LRRC7: variants seen among roughly 807,000 people sequenced by gnomAD.
The protein encoded by LRRC7 is leucine rich repeat containing 7.
A neutral mutation model predicts 175.7 loss-of-function variants in LRRC7; 23 were observed. The ratio of observed to expected loss-of-function variants is 0.13; its 90% CI spans 0.09 to 0.19. The LOEUF is 0.19. Among genes scored for constraint, LRRC7 ranks in the 10% least tolerant of loss-of-function variants. The pLI is 1.00. For missense variants in LRRC7, 1,354 were observed against 1,904.7 expected (o/e 0.71, Z 5.38); for synonymous variants, 685 against 680.9 (o/e 1.01, Z -0.09).
intron 7 of LRRC7, among the ~76,000 whole-genome samples, chr1:69,848,647 G>GTCTCCTC (rs1682633929): frequency 6.6e-6 from 1 of 151,800 alleles, no homozygotes; most frequent in African/African-American, 2.4e-5. Context: ...CTTTCTTCAG[G>GTCTCCTC]TCTCCTCTCT....
intron 2 of LRRC7, among the ~76,000 whole-genome samples, chr1:69,696,977 A>G (rs557437086): frequency 1.3e-5 from 2 of 152,288 alleles, no homozygotes; most frequent in South Asian, 2.1e-4. Context: ...AACACATCTG[A>G]TAATAGCTGA....
At chr1:70,086,118 TTTATTTATTTATTTAC>T (rs1297116309) in intron 24 of LRRC7, among the ~76,000 whole-genome samples, 1 of 151,918 alleles carries the variant, frequency 6.6e-6, no homozygotes, top group Non-Finnish European at 1.5e-5. Flanking sequence ...TTCTTATTTA[TTTATTTATTTATTTAC>T]TTATTTATTT....
intron 4 of LRRC7, among the ~76,000 whole-genome samples, chr1:69,795,919 T>TTTG (rs1417959484): frequency 4.0e-5 from 6 of 151,736 alleles, no homozygotes; most frequent in Admixed American, 2.6e-4. Flanking sequence ...TGGGTTTTTT[T>TTTG]TTGTTTTTTT....
chr1:69,902,932 A>G (rs1646179667), intron 7 of LRRC7, among the ~76,000 whole-genome samples: 1 of 152,134 alleles, frequency 6.6e-6, no homozygotes, highest in Non-Finnish European at 1.5e-5. Context: ...TATGAGGCAC[A>G]TTTCACAATG....
chr1:69,811,642 C>T (rs559016711), intron 4 of LRRC7, among the ~76,000 whole-genome samples: 1 of 152,040 alleles, frequency 6.6e-6, no homozygotes, highest in Non-Finnish European at 1.5e-5. Flanking sequence ...AAGCTGGAAA[C>T]CATCATTCTC....
intron 1 of LRRC7, among the ~76,000 whole-genome samples, chr1:69,569,071 A>C (rs1193286806): frequency 4.6e-5 from 7 of 151,142 alleles, no homozygotes; most frequent in Non-Finnish European, 8.9e-5. Context: ...ATCGTGACAC[A>C]CACACACACA....
chr1:69,698,810 A>G (rs897751709), intron 2 of LRRC7, among the ~76,000 whole-genome samples: 2 of 152,194 alleles, frequency 1.3e-5, no homozygotes, highest in East Asian at 1.9e-4. Context: ...TTCACATAAC[A>G]TGGTCTCAAT....
intron 2 of LRRC7, among the ~76,000 whole-genome samples, chr1:69,686,886 A>C (rs914048525): frequency 1.3e-5 from 2 of 152,110 alleles, no homozygotes; most frequent in Non-Finnish European, 2.9e-5. Flanking sequence ...AATAAAAAAA[A>C]GGTTAAATAT....
At chr1:69,789,492 T>C (rs1482295081) in intron 3 of LRRC7, among the ~76,000 whole-genome samples, 1 of 152,094 alleles carries the variant, frequency 6.6e-6, no homozygotes, top group Non-Finnish European at 1.5e-5. Context: ...AGCTTTCGAA[T>C]CTTGAAAGAG....
intron 7 of LRRC7, chr1:69,920,109 T>C (rs1022812413): frequency 4.2e-6 from 1 of 239,978 alleles, no homozygotes. Context: ...GGCAATGTGG[T>C]GGGAGGAGTG....
At chr1:70,086,175 A>G (rs557824325) in intron 24 of LRRC7, among the ~76,000 whole-genome samples, 2 of 152,064 alleles carry the variant, frequency 1.3e-5, no homozygotes, top group East Asian at 1.9e-4. Flanking sequence ...CCAGGCTGGA[A>G]TGCAGTGGCA....
chr1:69,696,866 A>G (rs1307233472), intron 2 of LRRC7, among the ~76,000 whole-genome samples: 1 of 152,208 alleles, frequency 6.6e-6, no homozygotes, highest in African/African-American at 2.4e-5. Flanking sequence ...TGCTGGCACC[A>G]CACTTCTTGT....
intron 2 of LRRC7, among the ~76,000 whole-genome samples, chr1:69,737,435 G>A (rs1668244883): frequency 6.6e-6 from 1 of 152,136 alleles, no homozygotes; most frequent in South Asian, 2.1e-4. Context: ...ATGTAGATGT[G>A]CGAGTCCATT....
chr1:69,832,597 AAACT>A (rs1190581179), intron 5 of LRRC7, among the ~76,000 whole-genome samples: 8 of 152,174 alleles, frequency 5.3e-5, no homozygotes, highest in African/African-American at 1.9e-4. Context: ...AAAAATGAAA[AAACT>A]AACAAAACCG....
intron 23 of LRRC7, among the ~76,000 whole-genome samples, chr1:70,071,002 C>T (rs991820130): frequency 1.3e-5 from 2 of 152,166 alleles, no homozygotes; most frequent in Non-Finnish European, 2.9e-5. Flanking sequence ...GTTTGTATGC[C>T]TTGTGACATC....
intron 2 of LRRC7, among the ~76,000 whole-genome samples, chr1:69,740,461 G>A (rs1226531798): frequency 1.3e-5 from 2 of 151,972 alleles, no homozygotes; most frequent in Non-Finnish European, 2.9e-5. Flanking sequence ...TAAATTTAAA[G>A]GAGTTTAATT....
chr1:69,660,537 A>G (rs1657306026), intron 1 of LRRC7, among the ~76,000 whole-genome samples: 1 of 152,100 alleles, frequency 6.6e-6, no homozygotes, highest in African/African-American at 2.4e-5. Context: ...AAGGAGGATC[A>G]AGAATGTTGA....
intron 9 of LRRC7, among the ~76,000 whole-genome samples, chr1:69,981,374 CA>C (rs1379094539): frequency 4.6e-5 from 7 of 152,070 alleles, no homozygotes; most frequent in Non-Finnish European, 1.0e-4. Context: ...TTTGAATAAG[CA>C]TAAGACCACA....
rs373068959 is a variant in LRRC7 at position 69,882,944 on chromosome 1, T to C, written c.647+44661T>C. On this transcript the variant is annotated intron_variant, in intron 7 of 26. Transcript: ENST00000651989. ...CATGTCCCTACAAAGGACATGAACT[T>C]ATCATTTTTTATGGCTGCATAGTAT... Among the ~76,000 whole-genome samples the C allele has an allele frequency of 4.9e-4, 75 of 151,906 alleles. 2 individuals are homozygous for C. The highest frequency in any genetic ancestry group is 1.4e-3 in the African/African-American group (60 of 41,440).
Sources: allele counts gnomAD v4.1 joint callset (sites outside exome capture counted in the v4.1 genomes callset), GRCh38; gene constraint gnomAD v4.1.1; transcripts MANE v1.5; gene names NCBI Gene and HGNC (gene_info 2026-07-23, HGNC 2026-07-21).